The following ZNF780B variants were observed in gnomAD, a reference collection of about 807,000 sequenced individuals.
ZNF780B encodes the protein zinc finger protein 779.
Under a neutral mutation model 74.1 loss-of-function variants are expected in ZNF780B, and 52 were observed. The observed-to-expected ratio is 0.70, with a 90% confidence interval of 0.56 to 0.88. The LOEUF (loss-of-function observed/expected upper bound fraction) is 0.88. Among genes scored for constraint, ZNF780B ranks in the 40% least tolerant of loss-of-function variants. The pLI is 0.00. For missense variants in ZNF780B, 953 were observed against 1,007.6 expected (o/e 0.95, Z 0.73); for synonymous variants, 315 against 324.3 (o/e 0.97, Z 0.31).
In ZNF780B at chr19:40,034,401, T is replaced by C. The variant is rs753831890; in HGVS notation, c.2458A>G (p.Ile820Val). ...CTGATGTTCAGTAAGTTGCTACTGA[T>C]GTCTGAAGGCTGTCCCACATTTCTT... ...NVRNVGQPSDISSNLLNIRKF... is the reference protein window; with the variant it reads ...NVRNVGQPSDVSSNLLNIRKF... The change falls in exon 5 of 5, where the codon ATC becomes GTC. Residue 820 changes from isoleucine to valine, a missense_variant. Coordinates refer to ENST00000434248, the MANE Select transcript of ZNF780B (RefSeq NM_001005851.3). 14 of 1,613,190 alleles carry C rather than the reference T, an allele frequency of 8.7e-6. No homozygotes were observed. Among genetic ancestry groups the C allele is most frequent in the Non-Finnish European group, 1.1e-5 (13 of 1,179,476 alleles).
At chr19:40,038,974 A>G (rs1347270565) in intron 4 of ZNF780B, among the ~76,000 whole-genome samples, 28 of 151,958 alleles carry the variant, frequency 1.8e-4, no homozygotes, top group Non-Finnish European at 2.5e-4. Flanking sequence ...TTTTAGACAT[A>G]AAGTCCTTGC....
rs745801333 is a variant in ZNF780B, at chr19:40,034,922, C to T, written c.1937G>A (p.Cys646Tyr). ...TGAGACACGATTAAAGGACTTCCCA[C>T]ATTCTTTACATTTAAATGGCTTCTC... ...TGEKPFKCKE[C>Y]GKSFNRVSNL... The change falls in exon 5 of 5, where the codon TGT becomes TAT. Residue 646 changes from cysteine (C) to tyrosine (Y), a missense_variant. Cys to Tyr is a radical substitution (Grantham distance 194). Coordinates refer to ENST00000434248, the MANE Select transcript of ZNF780B (RefSeq NM_001005851.3). 4 of 1,614,034 alleles carry T rather than the reference C, an allele frequency of 2.5e-6. No individual in the cohort carries two copies. Among genetic ancestry groups the T allele is most frequent in the East Asian group, 2.2e-5 (1 of 44,850 alleles).
intron 1 of ZNF780B, among the ~76,000 whole-genome samples, chr19:40,054,562 C>T (rs1020802414): frequency 2.0e-5 from 3 of 152,162 alleles, no homozygotes; most frequent in Non-Finnish European, 4.4e-5. Context: ...TTGAGCAACT[C>T]ACTCATTTTC....
At chr19:40,040,519 G>A (rs1265480426) in intron 4 of ZNF780B, among the ~76,000 whole-genome samples, 7 of 152,258 alleles carry the variant, frequency 4.6e-5, no homozygotes, top group Non-Finnish European at 8.8e-5. Flanking sequence ...GGTAGAATTC[G>A]GCTGTGAATC....
At position 40,031,823 on chromosome 19, in the gene ZNF780B, T is replaced by C. The variant is rs907355920; in HGVS notation, c.*2534A>G. On this transcript the variant is annotated 3_prime_UTR_variant, in exon 5 of 5. Coordinates refer to ENST00000434248, the MANE Select transcript of ZNF780B (RefSeq NM_001005851.3). Reference sequence around the variant, plus strand: ...GCTTAAGTACACGTGACTATAACTTTTCAGAGATGACAACGTCTCTCCATA... The same window carrying C: ...GCTTAAGTACACGTGACTATAACTTCTCAGAGATGACAACGTCTCTCCATA... 4.7e-5 allele frequency: 13 copies of C among 273,872 alleles called. No homozygotes were observed. The highest frequency in any genetic ancestry group is 8.8e-5 in the Non-Finnish European group (12 of 135,802). The allele number at this position is 273,872 out of a possible 1,614,324, so 17.0% of individuals were successfully genotyped here.
At chr19:40,048,055 G>A (rs1176669352) in intron 3 of ZNF780B, among the ~76,000 whole-genome samples, 2 of 152,140 alleles carry the variant, frequency 1.3e-5, no homozygotes, top group Non-Finnish European at 2.9e-5. Context: ...AACAAGTAAC[G>A]GAAGGTCTGT....
rs749256064 is a variant in ZNF780B, at chr19:40,035,054, C to T, written c.1805G>A (p.Arg602Gln). The part of the protein sequence containing the change: ...KAFRLHMHLI[R>Q]HQKFHTGEKP... ...CTCACCAGTATGAAATTTCTGATGT[C>T]GAATAAGGTGCATATGAAGTCGAAA... The change falls in exon 5 of 5, where the codon CGA becomes CAA. Residue 602 changes from arginine to glutamine, a missense_variant. Arg to Gln is a conservative substitution (Grantham distance 43). Coordinates refer to ENST00000434248, the MANE Select transcript of ZNF780B (RefSeq NM_001005851.3). 2.1e-5 allele frequency: 34 copies of T among 1,613,342 alleles called. No individual in the cohort carries two copies. Among genetic ancestry groups the T allele is most frequent in the Non-Finnish European group, 2.6e-5 (31 of 1,179,854 alleles).
chr19:40,050,196 CA>C (rs74179712), intron 2 of ZNF780B, 127 bp downstream of exon 2: 58,864 of 389,430 alleles, frequency 0.15, 51 homozygotes, highest in East Asian at 0.17. Context: ...GACTCCGTCT[CA>C]AAAAAAAAAA....
chr19:40,038,716 T>C (rs1972480616), intron 4 of ZNF780B, among the ~76,000 whole-genome samples: 1 of 152,124 alleles, frequency 6.6e-6, no homozygotes, highest in Admixed American at 6.5e-5. Context: ...ATGTCTTCTT[T>C]TGAGAAGCGT....
At position 40,036,070 on chromosome 19, in the gene ZNF780B, G is replaced by A; in HGVS notation, c.789C>T (p.Asn263=). 1 of 1,613,232 alleles carries A rather than the reference G, an allele frequency of 6.2e-7. No individual in the cohort carries two copies. The highest frequency in any genetic ancestry group is 2.2e-5 in the East Asian group (1 of 44,856). The change falls in exon 5 of 5, where the codon AAC becomes AAT. Residue 263 remains asparagine, a synonymous_variant. Coordinates refer to ENST00000434248, the MANE Select transcript of ZNF780B (RefSeq NM_001005851.3). Reference sequence around the variant, plus strand: ...CATGAATACTTTGATGCTGAGTAAGGTTTGAGCTACGATTAAAAGACTTCC... The same window carrying A: ...CATGAATACTTTGATGCTGAGTAAGATTTGAGCTACGATTAAAAGACTTCC... ...ECGKSFNRSS[N]LTQHQSIHAG...
In ZNF780B at chr19:40,035,755, C is replaced by T. The variant is rs771029014; in HGVS notation, c.1104G>A (p.Lys368=). ...TAAGCTGATTGAGGAGACTAAAGGC[C>T]TTCCCGCATTCCCTGCATTCAAAGG... ...EKPFECRECG[K]AFSLLNQLNR... Residue 368 remains lysine, a synonymous_variant, in exon 5 of 5, where the codon AAG becomes AAA. Coordinates refer to ENST00000434248, the MANE Select transcript of ZNF780B (RefSeq NM_001005851.3). 1 of 1,613,268 alleles carries T rather than the reference C, an allele frequency of 6.2e-7. No homozygotes were observed. The highest frequency in any genetic ancestry group is 1.3e-5 in the African/African-American group (1 of 74,752).
chr19:40,050,406 T>C (rs1253428247), intron 1 of ZNF780B, 29 bp from the exon 2 acceptor site: 10 of 1,543,078 alleles, frequency 6.5e-6, no homozygotes, highest in Non-Finnish European at 8.8e-6. Context: ...AAAAAGGCCC[T>C]AAGTCAAGCT....
At chr19:40,039,454 C>A (rs1274768371) in intron 4 of ZNF780B, among the ~76,000 whole-genome samples, 1 of 151,866 alleles carries the variant, frequency 6.6e-6, no homozygotes, top group African/African-American at 2.4e-5. Context: ...TGAAGAAAGT[C>A]ATTGGTAGCT....
At chr19:40,042,522 G>A (rs1353872062) in intron 4 of ZNF780B, among the ~76,000 whole-genome samples, 16 of 152,134 alleles carry the variant, frequency 1.1e-4, no homozygotes, top group African/African-American at 3.6e-4. Context: ...CATTCTCTCC[G>A]TCACTTTCAG....
At chr19:40,051,779 A>G (rs1973243788) in intron 1 of ZNF780B, among the ~76,000 whole-genome samples, 2 of 152,206 alleles carry the variant, frequency 1.3e-5, no homozygotes, top group African/African-American at 4.8e-5. Flanking sequence ...CACAATGCAG[A>G]TAAGTGGCAT....
Position 40,029,465 on chromosome 19 carries a change from C to T in ZNF780B, c.*4892G>A, listed in dbSNP as rs963137012. 2.6e-5 allele frequency: 4 copies of T among 154,912 alleles called. No homozygotes were observed. The highest frequency in any genetic ancestry group is 9.6e-5 in the African/African-American group (4 of 41,624). 9.6% of individuals were successfully genotyped at this position (154,912 alleles called of 1,614,324 possible). On this transcript the variant is annotated 3_prime_UTR_variant, in exon 5 of 5. Transcript: ENST00000434248. ...GATAAACTTCTCAGCTATCACCATA[C>T]ATAAAACATAATTCAATAAAATACC...
chr19:40,034,842 C>A lies in ZNF780B; in HGVS notation c.2017G>T (p.Glu673Ter), dbSNP rs200751718. The A allele has an allele frequency of 4.1e-5, 66 of 1,614,120 alleles. No individual in the cohort carries two copies. Among genetic ancestry groups the A allele is most frequent in the Non-Finnish European group, 4.3e-5 (51 of 1,179,994 alleles). ...ACACGACTAAAGCCTTTCCCACACT[C>A]CTTACATTCATATGGTTTTACACCA... ...HAGVKPYECK[E>*]CGKGFSRVSN... The change falls in exon 5 of 5, where the codon GAG (glutamate) becomes TAG (stop). Residue 673 changes from glutamate to a stop codon, truncating the protein, a stop_gained. Coordinates refer to ENST00000434248, the MANE Select transcript of ZNF780B (RefSeq NM_001005851.3). LOFTEE classifies it high-confidence loss of function.
chr19:40,034,278 C>A lies in ZNF780B; in HGVS notation c.*79G>T. On this transcript the variant is annotated 3_prime_UTR_variant, in exon 5 of 5. Coordinates refer to ENST00000434248, the MANE Select transcript of ZNF780B (RefSeq NM_001005851.3). Reference sequence around the variant, plus strand: ...TCCTTGACATTCATAAGGGTTCTCACGAATATGAAATCTATAATGTCCATG... The same window carrying A: ...TCCTTGACATTCATAAGGGTTCTCAAGAATATGAAATCTATAATGTCCATG... The A allele has an allele frequency of 8.1e-7, 1 of 1,237,936 alleles. No individual in the cohort carries two copies. Among genetic ancestry groups the A allele is most frequent in the Non-Finnish European group, 1.1e-6 (1 of 882,292 alleles). 76.7% of individuals were successfully genotyped at this position (1,237,936 alleles called of 1,614,324 possible). A position where few individuals can be genotyped will look rare whatever the true frequency, so the allele number is the denominator to read the frequency against.
chr19:40,035,593 A>G lies in ZNF780B; in HGVS notation c.1266T>C (p.Cys422=). The part of the protein sequence containing the change: ...ADVKPYECKE[C]GKGFNRGANL... ...TTGCACCACGATTAAAGCCTTTCCC[A>G]CACTCCTTACATTCATATGGTTTTA... The change falls in exon 5 of 5, where the codon TGT becomes TGC. Residue 422 remains cysteine, a synonymous_variant. Transcript: ENST00000434248. 6.2e-7 allele frequency: 1 copy of G among 1,613,610 alleles called. No individual in the cohort carries two copies. The highest frequency in any genetic ancestry group is 1.1e-5 in the South Asian group (1 of 91,044).
Sources: gnomAD v4.1 joint callset for allele counts (sites outside exome capture counted in the v4.1 genomes callset) on GRCh38, gnomAD v4.1.1 for gene constraint, MANE v1.5 for transcripts, NCBI Gene and HGNC (gene_info 2026-07-23, HGNC 2026-07-21) for gene names.